LMO7: variants seen among roughly 807,000 people sequenced by gnomAD.
LMO7 encodes the protein LIM domain only protein 7.
In LMO7, 120 loss-of-function variants were observed where a neutral mutation model predicts 206.5. The ratio of observed to expected loss-of-function variants is 0.58; its 90% CI spans 0.50 to 0.68. The LOEUF (loss-of-function observed/expected upper bound fraction) is 0.68, where lower values mean the gene tolerates loss of function less well. Among genes scored for constraint, LMO7 ranks in the 30% least tolerant of loss-of-function variants. The pLI, the probability that LMO7 is intolerant of heterozygous loss-of-function variation, is 0.00. For synonymous variants in LMO7, 706 were observed against 681.5 expected, an observed-to-expected ratio of 1.04 and a Z score of -0.56; for missense variants, 1,959 against 1,957.9, an observed-to-expected ratio of 1.00 and a Z score of -0.01.
At chr13:75,695,590 C>T (rs1232996491) in intron 1 of LMO7, among the ~76,000 whole-genome samples, 1 of 152,192 alleles carries the variant, frequency 6.6e-6, no homozygotes, top group Non-Finnish European at 1.5e-5. Context: ...CGTGATCTGC[C>T]CGCCTTGGCC....
intron 3 of LMO7, among the ~76,000 whole-genome samples, chr13:75,735,535 C>G (rs143235697): frequency 0.011 from 1,732 of 152,246 alleles, 23 homozygotes; most frequent in African/African-American, 0.031. Context: ...GATCTTGGCT[C>G]CCTGCAAACT....
rs1401559598 is a variant in LMO7 at position 75,660,899 on chromosome 13, G to A, written c.69+24173G>A. Reference sequence around the variant, plus strand: ...TCATGAGTTTCAGGTAGGGGGTAGGGTTGACTGATAACAGATACTTTGGCA... The same window carrying A: ...TCATGAGTTTCAGGTAGGGGGTAGGATTGACTGATAACAGATACTTTGGCA... On this transcript the variant is annotated intron_variant, in intron 1 of 30. Transcript: ENST00000377534. Among the ~76,000 whole-genome samples the A allele has an allele frequency of 3.3e-5, 5 of 152,138 alleles. No individual in the cohort carries two copies. In the East Asian group the frequency reaches 9.6e-4, roughly 29 times the overall value.
intron 1 of LMO7, among the ~76,000 whole-genome samples, chr13:75,646,812 C>T (rs957451271): frequency 6.6e-6 from 1 of 152,042 alleles, no homozygotes; most frequent in Non-Finnish European, 1.5e-5. Context: ...CTCTAACTCT[C>T]GACCTCAGGT....
intron 1 of LMO7, among the ~76,000 whole-genome samples, chr13:75,644,360 G>A (rs1231486244): frequency 1.3e-5 from 2 of 152,134 alleles, no homozygotes; most frequent in Admixed American, 6.5e-5. Flanking sequence ...CTGAGGATCC[G>A]AATGCCCACA....
At chr13:75,846,690 T>C (rs2139425949) in intron 26 of LMO7, among the ~76,000 whole-genome samples, 1 of 152,346 alleles carries the variant, frequency 6.6e-6, no homozygotes, top group Admixed American at 6.5e-5. Context: ...TTTGTATATA[T>C]GTTTTCCCCC....
intron 3 of LMO7, among the ~76,000 whole-genome samples, chr13:75,759,879 G>T (rs2048006473): frequency 6.6e-6 from 1 of 152,154 alleles, no homozygotes; most frequent in South Asian, 2.1e-4. Flanking sequence ...CTTAGGGAGG[G>T]AGGTGAGGTT....
chr13:75,744,631 G>T (rs2046682539), intron 3 of LMO7, among the ~76,000 whole-genome samples: 1 of 152,236 alleles, frequency 6.6e-6, no homozygotes, highest in African/African-American at 2.4e-5. Flanking sequence ...AATCCAAGGT[G>T]TAAAACTGGT....
At chr13:75,633,984 C>A (rs956571209), upstream of LMO7, among the ~76,000 whole-genome samples, 3 of 145,984 alleles carry the variant, frequency 2.1e-5, no homozygotes, top group African/African-American at 7.5e-5. Context: ...AATAGTGCCA[C>A]CACGTCCAGC....
At chr13:75,689,062 A>AT (rs1222318584) in intron 1 of LMO7, 1 of 151,646 alleles carries the variant, frequency 6.6e-6, no homozygotes, top group East Asian at 1.9e-4. Context: ...CCTCTCTTTC[A>AT]TTTTTCTGGC....
At chr13:75,753,715 G>A (rs1457191600) in intron 3 of LMO7, among the ~76,000 whole-genome samples, 2 of 152,136 alleles carry the variant, frequency 1.3e-5, no homozygotes, top group Non-Finnish European at 2.9e-5. Flanking sequence ...TGTGAAGAAG[G>A]AGGTGTTTGC....
intron 1 of LMO7, among the ~76,000 whole-genome samples, chr13:75,660,013 A>C (rs958793466): frequency 6.6e-6 from 1 of 152,170 alleles, no homozygotes; most frequent in African/African-American, 2.4e-5. Flanking sequence ...TCCTTTCTGC[A>C]TTTATGTTGG....
intron 4 of LMO7, among the ~76,000 whole-genome samples, chr13:75,787,985 C>T (rs1041172851): frequency 6.6e-6 from 1 of 152,088 alleles, no homozygotes; most frequent in Non-Finnish European, 1.5e-5. Context: ...TTAAATAGTG[C>T]GATGGATGAG....
In LMO7 at chr13:75,805,995, T is replaced by C. The variant is rs774826666; in HGVS notation, c.1196+235T>C. 626 of 1,157,542 alleles carry C rather than the reference T, an allele frequency of 5.4e-4. 1 individual carries two copies. Among genetic ancestry groups the C allele is most frequent in the Admixed American group, 1.5e-3 (39 of 26,766 alleles). The allele number at this position is 1,157,542 out of a possible 1,614,324, so 71.7% of individuals were successfully genotyped here. ...ATAGCACGGCATTATTTTTAGTAGT[T>C]CTGTTTTTCTCCAATTCTTTGTCTC... On this transcript the variant is annotated intron_variant, in intron 9 of 30. Transcript: ENST00000377534.
chr13:75,727,083 A>C lies in LMO7; in HGVS notation c.195A>C (p.Thr65=). 2 of 1,584,052 alleles carry C rather than the reference A, an allele frequency of 1.3e-6. No homozygotes were observed. Among genetic ancestry groups the C allele is most frequent in the Non-Finnish European group, 1.7e-6 (2 of 1,154,410 alleles). Residue 65 remains threonine (T), a synonymous_variant, in exon 3 of 31, where the codon ACA becomes ACC. Coordinates refer to ENST00000377534, the MANE Select transcript of LMO7 (RefSeq NM_001306080.2). ...GVIKKINRLS[T]PIAGLDNINV... is the part of the protein sequence containing the mutation. ...TTAAGAAGATCAATAGACTGTCTACACCAATAGCAGGATTGGTAAGTAGTA... is the reference window on the plus strand; with the variant it reads ...TTAAGAAGATCAATAGACTGTCTACCCCAATAGCAGGATTGGTAAGTAGTA...
intron 22 of LMO7, among the ~76,000 whole-genome samples, chr13:75,840,748 G>A (rs2059498431): frequency 6.6e-6 from 1 of 152,098 alleles, no homozygotes; most frequent in East Asian, 1.9e-4. Context: ...TCACTTAGGG[G>A]GTGTGAAGTG....
At chr13:75,831,162 T>G (rs2058633088) in intron 15 of LMO7, among the ~76,000 whole-genome samples, 1 of 152,188 alleles carries the variant, frequency 6.6e-6, no homozygotes, top group African/African-American at 2.4e-5. Context: ...AGGTGATTAT[T>G]AACGAGTGTT....
intron 4 of LMO7, among the ~76,000 whole-genome samples, chr13:75,791,978 C>T (rs949886323): frequency 1.3e-5 from 2 of 151,920 alleles, no homozygotes; most frequent in Admixed American, 6.6e-5. Context: ...TCTTCTCTTC[C>T]TTTTCTTGAG....
intron 1 of LMO7, among the ~76,000 whole-genome samples, chr13:75,663,146 T>G (rs2038758704): frequency 6.6e-6 from 1 of 151,876 alleles, no homozygotes; most frequent in African/African-American, 2.4e-5. Flanking sequence ...ACTATAAATC[T>G]CTCTCTCTAT....
chr13:75,756,600 C>A (rs1280065254), intron 3 of LMO7, among the ~76,000 whole-genome samples: 1 of 152,132 alleles, frequency 6.6e-6, no homozygotes, highest in African/African-American at 2.4e-5. Context: ...TTTCTGTGGA[C>A]CAGTGACTCC....
Sources: gnomAD v4.1 joint callset for allele counts (sites outside exome capture counted in the v4.1 genomes callset) on GRCh38, gnomAD v4.1.1 for gene constraint, MANE v1.5 for transcripts, NCBI Gene and HGNC (gene_info 2026-07-23, HGNC 2026-07-21) for gene names.